The following SLC18A2 variants were observed in gnomAD, a reference collection of about 807,000 sequenced individuals.
SLC18A2 encodes the protein solute carrier family 18 member A2, also known as synaptic vesicular amine transporter.
A neutral mutation model predicts 59.2 loss-of-function variants in SLC18A2; 33 were observed. The ratio of observed to expected loss-of-function variants is 0.56; its 90% CI spans 0.42 to 0.75. SLC18A2 has a LOEUF of 0.75. Ranked by LOEUF, SLC18A2 falls within the 30% of genes least tolerant of loss-of-function variation. SLC18A2 has a pLI of 0.00. For missense variants in SLC18A2, 569 were observed against 668.6 expected (o/e 0.85, Z 1.64); for synonymous variants, 228 against 253.5 (o/e 0.90, Z 0.95).
At chr10:117,251,574 G>A (rs1844162825) in intron 3 of SLC18A2, among the ~76,000 whole-genome samples, 1 of 152,140 alleles carries the variant, frequency 6.6e-6, no homozygotes, top group Admixed American at 6.6e-5. Context: ...TTTGTGGGAG[G>A]GGACTGACTG....
chr10:117,275,680 T>C (rs987871527), intron 15 of SLC18A2, among the ~76,000 whole-genome samples: 2 of 152,232 alleles, frequency 1.3e-5, no homozygotes, highest in African/African-American at 4.8e-5. Flanking sequence ...GTTATTGTGA[T>C]GTATTGCCAC....
intron 13 of SLC18A2, among the ~76,000 whole-genome samples, chr10:117,268,931 AACAC>A (rs943288059): frequency 2.0e-5 from 3 of 151,750 alleles, no homozygotes; most frequent in Non-Finnish European, 2.9e-5. Flanking sequence ...AAGAAGCTAA[AACAC>A]ACATGCACAC....
chr10:117,244,897 G>A (rs888013543), intron 3 of SLC18A2, among the ~76,000 whole-genome samples: 11 of 152,238 alleles, frequency 7.2e-5, no homozygotes, highest in African/African-American at 1.9e-4. Flanking sequence ...CCACGTCCAC[G>A]TGCATGAAAG....
At chr10:117,263,050 G>A (rs363223) in intron 10 of SLC18A2, among the ~76,000 whole-genome samples, 71,131 of 152,046 alleles carry the variant, frequency 0.47, 17,499 homozygotes, top group Non-Finnish European at 0.54. Flanking sequence ...GGCGCCAGAC[G>A]TTCACTCAAC....
At chr10:117,275,123 C>T (rs771971667) in intron 15 of SLC18A2, among the ~76,000 whole-genome samples, 5 of 152,220 alleles carry the variant, frequency 3.3e-5, no homozygotes, top group East Asian at 1.9e-4. Context: ...ATGGGGAGAA[C>T]GGTCCTGGTG....
intron 2 of SLC18A2, among the ~76,000 whole-genome samples, 155 bp from the exon 3 acceptor site, chr10:117,243,816 C>T (rs1844079839): frequency 1.3e-5 from 2 of 152,132 alleles, no homozygotes; most frequent in Non-Finnish European, 2.9e-5. Flanking sequence ...GAACTCCTGA[C>T]CTCAGGTGAT....
chr10:117,242,364 GA>G (rs988150665), intron 2 of SLC18A2, among the ~76,000 whole-genome samples: 76 of 151,730 alleles, frequency 5.0e-4, no homozygotes, highest in African/African-American at 1.8e-3. Context: ...GTGGAATTTT[GA>G]AAAATTAAAT....
chr10:117,271,142 G>A (rs532341086), intron 15 of SLC18A2, among the ~76,000 whole-genome samples: 5 of 152,292 alleles, frequency 3.3e-5, no homozygotes, highest in East Asian at 1.9e-4. Flanking sequence ...GCAAGGAGAC[G>A]CTCAGTGTTT....
In SLC18A2 at chr10:117,269,214, CACACAT is replaced by C. The variant is rs964461442; in HGVS notation, c.1187-851_1187-846del. On this transcript the variant is annotated intron_variant, in intron 13 of 15. Transcript: ENST00000644641. This position sits in a 1 kb window ranked among gnomAD's most constrained non-coding sequence, Gnocchi z 5.1. Reference sequence around the variant, plus strand: ...ACACACCTACACACATACACATACACACACATACACAAATACAAGTACATACACAAA... The same window carrying C: ...ACACACCTACACACATACACATACACACACAAATACAAGTACATACACAAA... 2.3e-3 allele frequency among the ~76,000 whole-genome samples: 228 copies of C among 99,622 alleles called. 1 individual carries two copies. The highest frequency in any genetic ancestry group is 5.9e-3 in the African/African-American group (179 of 30,558). 65.4% of individuals were successfully genotyped at this position (99,622 alleles called of 152,430 possible). A position where few individuals can be genotyped will look rare whatever the true frequency, so the allele number is the denominator to read the frequency against.
At position 117,266,994 on chromosome 10, in the gene SLC18A2, G is replaced by A. The variant is rs780811442; in HGVS notation, c.1081G>A (p.Ala361Thr). The A allele has an allele frequency of 8.7e-6, 14 of 1,613,478 alleles. No individual in the cohort carries two copies. In the Middle Eastern group the frequency reaches 8.2e-4, roughly 95 times the overall value. Residue 361 changes from alanine to threonine, a missense_variant, in exon 12 of 16, where the codon GCT becomes ACT. Ala to Thr is a moderately conservative substitution (Grantham distance 58). Around this residue, in one of 2 missense-constraint regions of SLC18A2, gnomAD observed 192 missense variants for 278.8 expected, o/e 0.69. Transcript: ENST00000644641. ...TTTTTCTTTTGGTAGGTGGCTTTGT[G>A]CTCTTCTGGGAATGATAATTGTTGG... ...LAHKMGRWLCALLGMIIVGVS... is the reference protein window; with the variant it reads ...LAHKMGRWLCTLLGMIIVGVS...
At chr10:117,257,687 A>G (rs1844245547) in intron 9 of SLC18A2, 110 bp from the exon 10 acceptor site, 1 of 551,592 alleles carries the variant, frequency 1.8e-6, no homozygotes, top group Admixed American at 3.4e-5. Context: ...TCCTTTACTT[A>G]ATGAAAGTAG....
At chr10:117,273,482 G>T (rs1050400001) in intron 15 of SLC18A2, among the ~76,000 whole-genome samples, 1 of 152,176 alleles carries the variant, frequency 6.6e-6, no homozygotes, top group Non-Finnish European at 1.5e-5. Flanking sequence ...GTGGTTTGAG[G>T]ATTGCAGCTT....
At position 117,270,395 on chromosome 10, in the gene SLC18A2, A is replaced by G. The variant is rs1351128159; in HGVS notation, c.1372A>G (p.Ile458Val). 6.2e-7 allele frequency: 1 copy of G among 1,614,120 alleles called. No homozygotes were observed. The highest frequency in any genetic ancestry group is 2.2e-5 in the East Asian group (1 of 44,856). Reference sequence around the variant, plus strand: ...TCCATGGCTCATGACAATTATTGGGATAATTGATATTCTTTTTGCCCCTCT... The same window carrying G: ...TCCATGGCTCATGACAATTATTGGGGTAATTGATATTCTTTTTGCCCCTCT... ...GFPWLMTIIG[I>V]IDILFAPLCF... Residue 458 changes from isoleucine (I) to valine (V), a missense_variant, in exon 15 of 16, where the codon ATA becomes GTA. Transcript: ENST00000644641.
At chr10:117,246,455 C>T (rs1008023365) in intron 3 of SLC18A2, among the ~76,000 whole-genome samples, 2 of 152,214 alleles carry the variant, frequency 1.3e-5, no homozygotes, top group Non-Finnish European at 2.9e-5. Flanking sequence ...TGTAGCCACA[C>T]CAGGCTCATG....
At chr10:117,275,013 T>C (rs987402308) in intron 15 of SLC18A2, among the ~76,000 whole-genome samples, 2 of 152,194 alleles carry the variant, frequency 1.3e-5, no homozygotes, top group African/African-American at 4.8e-5. Context: ...AATTTCATTT[T>C]TTAACCTGCT....
At chr10:117,252,218 A>C (rs1300093174) in intron 3 of SLC18A2, among the ~76,000 whole-genome samples, 3 of 135,860 alleles carry the variant, frequency 2.2e-5, no homozygotes, top group African/African-American at 8.4e-5. Context: ...TCCTGAGCTC[A>C]GGTGATCCGC....
chr10:117,263,440 A>G (rs1844316238), intron 10 of SLC18A2, among the ~76,000 whole-genome samples: 1 of 152,160 alleles, frequency 6.6e-6, no homozygotes, highest in Non-Finnish European at 1.5e-5. Context: ...AGGGCAAACA[A>G]TCTTATTAGC....
chr10:117,267,771 C>G, intron 13 of SLC18A2, 35 bp downstream of exon 13: 1 of 1,508,634 alleles, frequency 6.6e-7, no homozygotes, highest in South Asian at 1.2e-5. Flanking sequence ...ACATTTAAAA[C>G]CGCTTTTCCA....
intron 2 of SLC18A2, 46 bp from the exon 3 acceptor site, chr10:117,243,925 G>C: frequency 6.7e-7 from 1 of 1,487,158 alleles, no homozygotes. Context: ...TTCCTGGAGA[G>C]GGTTTCAGTG....
Sources: gnomAD v4.1 joint callset for allele counts (sites outside exome capture counted in the v4.1 genomes callset) on GRCh38, gnomAD v4.1.1 for gene constraint, gnomAD v4.1.1 regional missense constraint, Gnocchi (gnomAD v3.1) non-coding constraint, MANE v1.5 for transcripts, NCBI Gene and HGNC (gene_info 2026-07-23, HGNC 2026-07-21) for gene names.